CDC14A: variants seen among roughly 807,000 people sequenced by gnomAD.
CDC14A encodes the protein dual specificity protein phosphatase CDC14A.
A neutral mutation model predicts 74.4 loss-of-function variants in CDC14A; 53 were observed. The observed-to-expected ratio is 0.71, with a 90% CI of 0.57 to 0.89. The LOEUF (loss-of-function observed/expected upper bound fraction) is 0.89, where lower values mean the gene tolerates loss of function less well. Among genes scored for constraint, CDC14A ranks in the 40% least tolerant of loss-of-function variants. CDC14A has a pLI of 0.00. For synonymous variants in CDC14A, 247 were observed against 258.4 expected, an observed-to-expected ratio of 0.96 and a Z score of 0.43; for missense variants, 646 against 713.7, an observed-to-expected ratio of 0.91 and a Z score of 1.08.
chr1:100,393,169 C>G, intron 4 of CDC14A: 1 of 1,578,742 alleles, frequency 6.3e-7, no homozygotes, highest in Non-Finnish European at 8.7e-7. Context: ...GACTCCATTT[C>G]TCTCAATTTA....
intron 4 of CDC14A, among the ~76,000 whole-genome samples, chr1:100,413,038 C>T (rs527357021): frequency 6.6e-6 from 1 of 151,068 alleles, no homozygotes; most frequent in African/African-American, 2.4e-5. Flanking sequence ...GCCTGGGTGA[C>T]AAGAGCGAAA....
intron 15 of CDC14A, among the ~76,000 whole-genome samples, chr1:100,509,828 G>A (rs1372535129): frequency 6.6e-6 from 1 of 152,208 alleles, no homozygotes. Context: ...TCTCTCTTGG[G>A]CAGACTGTTG....
upstream of CDC14A, chr1:100,351,923 G>T: frequency 2.2e-6 from 2 of 913,676 alleles, no homozygotes; most frequent in Non-Finnish European, 3.3e-6. Context: ...GGGGGTGGCT[G>T]AAATGTTAGC....
intron 15 of CDC14A, among the ~76,000 whole-genome samples, chr1:100,514,009 A>T (rs1053478595): frequency 2.0e-5 from 3 of 152,192 alleles, no homozygotes; most frequent in Non-Finnish European, 4.4e-5. Context: ...TAAGAATACC[A>T]CATATTCATA....
intron 4 of CDC14A, among the ~76,000 whole-genome samples, chr1:100,398,111 G>A (rs1022998126): frequency 6.6e-6 from 1 of 152,194 alleles, no homozygotes; most frequent in South Asian, 2.1e-4. Flanking sequence ...TTTAAAATAG[G>A]CATAATAATA....
intron 15 of CDC14A, among the ~76,000 whole-genome samples, chr1:100,509,892 T>G (rs1649573530): frequency 6.6e-6 from 1 of 152,246 alleles, no homozygotes; most frequent in Non-Finnish European, 1.5e-5. Context: ...GAGAAAATCA[T>G]GAAGTCTCAA....
At chr1:100,420,063 C>CACACACATATATATATATATATATAT in intron 4 of CDC14A, among the ~76,000 whole-genome samples, 16 of 61,596 alleles carry the variant, frequency 2.6e-4, no homozygotes, top group Admixed American at 6.9e-4. Flanking sequence ...CACACACACA[C>CACACACATATATATATATATATATAT]ATATATATAT....
chr1:100,377,557 A>AT lies in CDC14A; in HGVS notation c.156dup (p.Gly53TrpfsTer36). 2.5e-6 allele frequency: 4 copies of AT among 1,612,870 alleles called. No individual in the cohort carries two copies. The highest frequency in any genetic ancestry group is 3.4e-6 in the Non-Finnish European group (4 of 1,179,354). On this transcript the variant is annotated frameshift_variant, in exon 3 of 16. Coordinates refer to ENST00000336454, the MANE Select transcript of CDC14A (RefSeq NM_003672.4). LOFTEE classifies it high-confidence loss of function. ...TTCTTGTATCTTAGTTTCTATGCAGATTTTGGACCGCTGAACTTGGCAATG... is the reference window on the plus strand; with the variant it reads ...TTCTTGTATCTTAGTTTCTATGCAGATTTTTGGACCGCTGAACTTGGCAATG...
intron 15 of CDC14A, among the ~76,000 whole-genome samples, chr1:100,503,385 A>G (rs1648952482): frequency 6.6e-6 from 1 of 152,204 alleles, no homozygotes; most frequent in South Asian, 2.1e-4. Flanking sequence ...TTTAAGAAAG[A>G]CCCAGAAACT....
chr1:100,401,000 T>C (rs1043558866), intron 4 of CDC14A, among the ~76,000 whole-genome samples: 1 of 152,170 alleles, frequency 6.6e-6, no homozygotes, highest in Admixed American at 6.5e-5. Context: ...GTACTATATA[T>C]TTAGTAGGGA....
chr1:100,457,362 A>G, intron 8 of CDC14A, among the ~76,000 whole-genome samples: 1 of 152,196 alleles, frequency 6.6e-6, no homozygotes, highest in East Asian at 1.9e-4. Context: ...TTCTTTTTAT[A>G]GCAGTAAATG....
intron 15 of CDC14A, among the ~76,000 whole-genome samples, chr1:100,499,744 AG>A: frequency 6.6e-6 from 1 of 152,228 alleles, no homozygotes. Flanking sequence ...GAAGGTGCTG[AG>A]TGAACAGTAT....
At chr1:100,516,091 C>T (rs1182334387) in intron 15 of CDC14A, among the ~76,000 whole-genome samples, 1 of 152,114 alleles carries the variant, frequency 6.6e-6, no homozygotes, top group African/African-American at 2.4e-5. Context: ...TAAACACCAG[C>T]CAGAGTTTTT....
chr1:100,420,185 G>A (rs1662201151), intron 4 of CDC14A, among the ~76,000 whole-genome samples: 1 of 106,766 alleles, frequency 9.4e-6, no homozygotes, highest in Non-Finnish European at 1.8e-5. Flanking sequence ...TAAAAACATA[G>A]TAAAGTTTGA....
chr1:100,507,091 G>C (rs1180112315), intron 15 of CDC14A, among the ~76,000 whole-genome samples: 1 of 152,186 alleles, frequency 6.6e-6, no homozygotes, highest in African/African-American at 2.4e-5. Flanking sequence ...TCTAGCTTGA[G>C]CCTAGTATTT....
At chr1:100,357,080 G>A (rs1652015828) in intron 2 of CDC14A, among the ~76,000 whole-genome samples, 1 of 151,880 alleles carries the variant, frequency 6.6e-6, no homozygotes, top group Non-Finnish European at 1.5e-5. Flanking sequence ...TAAGGAAGGA[G>A]GGTGGAATAA....
At chr1:100,353,046 C>A (rs748450405) in intron 1 of CDC14A, 43 bp downstream of exon 1, 1 of 1,603,652 alleles carries the variant, frequency 6.2e-7, no homozygotes, top group South Asian at 1.1e-5. Flanking sequence ...TTTCTTGCCC[C>A]CAACTCTTCA....
At chr1:100,345,440 G>A (rs532121833) in intron 1 of CDC14A, among the ~76,000 whole-genome samples, 62 of 152,204 alleles carry the variant, frequency 4.1e-4, no homozygotes, top group Non-Finnish European at 7.8e-4. Flanking sequence ...TGTTATTCTT[G>A]TGAGTTAGAA....
At chr1:100,496,519 G>A (rs544324160) in intron 13 of CDC14A, among the ~76,000 whole-genome samples, 1 of 152,194 alleles carries the variant, frequency 6.6e-6, no homozygotes, top group Non-Finnish European at 1.5e-5. Context: ...GTGGAAAAAT[G>A]TCCCCTGAAA....
Sources: gnomAD v4.1 joint callset for allele counts (sites outside exome capture counted in the v4.1 genomes callset) on GRCh38, gnomAD v4.1.1 for gene constraint, MANE v1.5 for transcripts, NCBI Gene and HGNC (gene_info 2026-07-23, HGNC 2026-07-21) for gene names.